Variants in EPM2A observed in about 807,000 individuals in gnomAD.
The protein encoded by EPM2A is laforin.
A neutral mutation model predicts 26.5 loss-of-function variants in EPM2A; 21 were observed. The observed-to-expected ratio is 0.79, with a 90% CI of 0.56 to 1.14. The LOEUF (loss-of-function observed/expected upper bound fraction) is 1.14. Among genes scored for constraint, EPM2A ranks in the 50% most tolerant of loss-of-function variants. The pLI, the probability that EPM2A is intolerant of heterozygous loss-of-function variation, is 0.00. For synonymous variants in EPM2A, 217 were observed against 177.6 expected (o/e 1.22, Z -1.76); for missense variants, 458 against 440.8 (o/e 1.04, Z -0.35).
intron 4 of EPM2A, among the ~76,000 whole-genome samples, chr6:145,405,002 T>G (rs888475821): frequency 6.6e-6 from 1 of 152,146 alleles, no homozygotes; most frequent in African/African-American, 2.4e-5. Flanking sequence ...CACAGGAAAG[T>G]AATGAACATC....
At chr6:145,652,290 A>G (rs1321769187) in intron 2 of EPM2A, among the ~76,000 whole-genome samples, 4 of 152,132 alleles carry the variant, frequency 2.6e-5, no homozygotes, top group Non-Finnish European at 2.9e-5. Flanking sequence ...ATGGACTTCA[A>G]AAAATTTTTG....
chr6:145,464,464 A>C (rs1368383345), intron 4 of EPM2A, among the ~76,000 whole-genome samples: 1 of 152,120 alleles, frequency 6.6e-6, no homozygotes, highest in Non-Finnish European at 1.5e-5. Context: ...CCCACTGTGG[A>C]GATTATTAAG....
intron 2 of EPM2A, among the ~76,000 whole-genome samples, chr6:145,685,509 T>C (rs187136450): frequency 2.0e-5 from 3 of 152,270 alleles, no homozygotes; most frequent in Admixed American, 6.5e-5. Flanking sequence ...CATATGCATA[T>C]TGTTTAAGGT....
chr6:145,438,567 G>C (rs547482128), intron 4 of EPM2A, among the ~76,000 whole-genome samples: 9 of 150,846 alleles, frequency 6.0e-5, no homozygotes, highest in African/African-American at 1.9e-4. Flanking sequence ...TCTGCCTCTG[G>C]AGCTCAAGTG....
At chr6:145,462,620 G>T (rs1283002883) in intron 4 of EPM2A, among the ~76,000 whole-genome samples, 1 of 152,144 alleles carries the variant, frequency 6.6e-6, no homozygotes, top group African/African-American at 2.4e-5. Context: ...ACAGATGTCA[G>T]TTGGAATTCT....
intron 2 of EPM2A, among the ~76,000 whole-genome samples, chr6:145,550,337 T>C (rs1190028050): frequency 2.0e-5 from 3 of 152,044 alleles, no homozygotes; most frequent in Non-Finnish European, 4.4e-5. Flanking sequence ...TTAAGTAGCC[T>C]ATATCCTTCC....
At chr6:145,536,708 G>A (rs1780437305) in intron 2 of EPM2A, among the ~76,000 whole-genome samples, 1 of 152,186 alleles carries the variant, frequency 6.6e-6, no homozygotes, top group Non-Finnish European at 1.5e-5. Context: ...CCCTGAGAGT[G>A]GGCAAGGATT....
At chr6:145,469,390 G>T (rs1413229336) in intron 4 of EPM2A, among the ~76,000 whole-genome samples, 2 of 151,968 alleles carry the variant, frequency 1.3e-5, no homozygotes, top group Non-Finnish European at 2.9e-5. Flanking sequence ...CTCAAAAGAA[G>T]ACATACAAAT....
intron 4 of EPM2A, chr6:145,491,887 G>T: frequency 2.0e-6 from 1 of 497,894 alleles, no homozygotes; most frequent in South Asian, 1.5e-5. Flanking sequence ...CTCCACCAAA[G>T]GTTCCTGGGT....
rs188918098 is a variant in EPM2A at position 145,625,698 on chromosome 6, T to C, written c.*1718A>G. ...TTATAAATTTAACTTTGTAAAATTA[T>C]AGTGGAAATGTGTCCTGGCTAGCTG... is the stretch of plus-strand genomic sequence containing the variant. On this transcript the variant is annotated 3_prime_UTR_variant, in exon 4 of 4. Coordinates refer to ENST00000367519, the MANE Select transcript of EPM2A (RefSeq NM_005670.4). 5.2e-5 allele frequency: 41 copies of C among 785,042 alleles called. 1 individual carries two copies. The East Asian group carries it at 9.5e-4, about 18-fold the overall frequency. The allele number at this position is 785,042 out of a possible 1,614,324, so 48.6% of individuals were successfully genotyped here.
At chr6:145,533,404 T>A (rs914160666) in intron 2 of EPM2A, among the ~76,000 whole-genome samples, 1 of 152,288 alleles carries the variant, frequency 6.6e-6, no homozygotes, top group Admixed American at 6.5e-5. Flanking sequence ...GTAAGTCTCA[T>A]AAAATGCAGA....
intron 1 of EPM2A, among the ~76,000 whole-genome samples, chr6:145,707,595 A>G (rs1365454150): frequency 6.6e-6 from 1 of 152,144 alleles, no homozygotes; most frequent in Non-Finnish European, 1.5e-5. Context: ...GGTTTTATAA[A>G]AGGGTATACC....
intron 1 of EPM2A, among the ~76,000 whole-genome samples, chr6:145,710,455 A>C (rs1186686257): frequency 1.3e-5 from 2 of 152,202 alleles, no homozygotes; most frequent in Admixed American, 6.5e-5. Flanking sequence ...GGCGATCATT[A>C]AAAAGTCAGG....
chr6:145,557,507 T>A (rs1394460953), intron 2 of EPM2A, among the ~76,000 whole-genome samples: 1 of 152,102 alleles, frequency 6.6e-6, no homozygotes, highest in Admixed American at 6.6e-5. Flanking sequence ...CATGTTACCT[T>A]CTGTTTTACC....
At chr6:145,435,104 C>A (rs1004473383) in intron 4 of EPM2A, among the ~76,000 whole-genome samples, 2 of 152,124 alleles carry the variant, frequency 1.3e-5, no homozygotes, top group African/African-American at 4.8e-5. Flanking sequence ...GTACAGCCTG[C>A]AGAAGCATGA....
chr6:145,662,515 T>C (rs1025625390), intron 2 of EPM2A, among the ~76,000 whole-genome samples: 1 of 152,124 alleles, frequency 6.6e-6, no homozygotes. Context: ...TGACTGATCA[T>C]GATAGGTACA....
chr6:145,420,490 CAG>C (rs1773000336), intron 4 of EPM2A, among the ~76,000 whole-genome samples: 1 of 152,128 alleles, frequency 6.6e-6, no homozygotes, highest in East Asian at 1.9e-4. Flanking sequence ...CTTTTTATAA[CAG>C]ATAAAAAACA....
At chr6:145,735,113 G>C (rs2128649075) in intron 1 of EPM2A, 85 bp downstream of exon 1, 1 of 1,040,356 alleles carries the variant, frequency 9.6e-7, no homozygotes, top group Non-Finnish European at 1.3e-6. Flanking sequence ...GGGGCCTGCG[G>C]GGCCTGCCCG....
intron 1 of EPM2A, among the ~76,000 whole-genome samples, chr6:145,709,624 G>A (rs1037382809): frequency 1.3e-5 from 2 of 152,148 alleles, no homozygotes; most frequent in Non-Finnish European, 2.9e-5. Flanking sequence ...TTTATTAGCA[G>A]TGTAAGAACA....
Sources: gnomAD v4.1 joint callset for allele counts (sites outside exome capture counted in the v4.1 genomes callset) on GRCh38, gnomAD v4.1.1 for gene constraint, MANE v1.5 for transcripts, NCBI Gene and HGNC (gene_info 2026-07-23, HGNC 2026-07-21) for gene names.